Variants in KCNT2 observed in about 807,000 individuals in gnomAD.
KCNT2 encodes potassium channel subfamily T member 2.
Under a neutral mutation model 153.8 loss-of-function variants are expected in KCNT2, and 67 were observed. That is an observed-to-expected ratio of 0.44 (90% CI 0.36 to 0.53). The LOEUF (loss-of-function observed/expected upper bound fraction) is 0.53, where lower values mean the gene tolerates loss of function less well. KCNT2 is among the 20% of genes least tolerant of loss of function. The pLI, the probability that KCNT2 is intolerant of heterozygous loss-of-function variation, is 0.00. For missense variants in KCNT2, 975 were observed against 1,354.8 expected (o/e 0.72, Z 4.40); for synonymous variants, 500 against 458.8 (o/e 1.09, Z -1.15).
chr1:196,263,841 T>C (rs2147800162), intron 25 of KCNT2, among the ~76,000 whole-genome samples: 1 of 152,340 alleles, frequency 6.6e-6, no homozygotes, highest in East Asian at 1.9e-4. Flanking sequence ...GTCACTGTTA[T>C]ATTTCTGGTT....
intron 22 of KCNT2, among the ~76,000 whole-genome samples, chr1:196,304,873 A>G (rs976500213): frequency 2.6e-5 from 4 of 152,144 alleles, no homozygotes; most frequent in African/African-American, 9.6e-5. Flanking sequence ...CTAGGTAAGC[A>G]ATAAACTTAG....
At chr1:196,348,073 T>A (rs1240147440) in intron 14 of KCNT2, among the ~76,000 whole-genome samples, 3 of 152,134 alleles carry the variant, frequency 2.0e-5, no homozygotes, top group Non-Finnish European at 2.9e-5. Context: ...GAACAAAGAA[T>A]AATCTAACAA....
At chr1:196,281,763 T>G (rs1279630632) in intron 24 of KCNT2, among the ~76,000 whole-genome samples, 1 of 151,406 alleles carries the variant, frequency 6.6e-6, no homozygotes, top group Non-Finnish European at 1.5e-5. Flanking sequence ...ATTCAACATT[T>G]TTTTTTTTTT....
intron 1 of KCNT2, among the ~76,000 whole-genome samples, chr1:196,525,632 A>T (rs1420688953): frequency 6.6e-6 from 1 of 152,170 alleles, no homozygotes; most frequent in East Asian, 1.9e-4. Context: ...AAAAGATGGG[A>T]AGGTAGCTAA....
chr1:196,577,810 T>TA (rs1661546185), intron 1 of KCNT2, among the ~76,000 whole-genome samples: 1 of 152,068 alleles, frequency 6.6e-6, no homozygotes, highest in African/African-American at 2.4e-5. Context: ...CCAAATATTC[T>TA]AAAACAAAGC....
chr1:196,351,716 C>T (rs1666719379), intron 14 of KCNT2, among the ~76,000 whole-genome samples: 1 of 152,036 alleles, frequency 6.6e-6, no homozygotes, highest in Admixed American at 6.6e-5. Flanking sequence ...TGCCTAATTG[C>T]CCTGGCCAGA....
chr1:196,596,051 GATGTGTATATATATATATATAT>G lies in KCNT2; in HGVS notation c.95+12142_95+12163del, dbSNP rs1164495800. ...TTGTTATGGCTGAGTTGTATTCCAT[GATGTGTATATATATATATATAT>G]ATATATATATATATATATATATATA... On this transcript the variant is annotated intron_variant, in intron 1 of 27. Transcript: ENST00000294725. Among the ~76,000 whole-genome samples the G allele has an allele frequency of 9.7e-4, 85 of 87,232 alleles. 1 individual carries two copies. Among genetic ancestry groups the G allele is most frequent in the African/African-American group, 5.1e-3 (81 of 15,820 alleles). The allele number at this position is 87,232 out of a possible 152,430, so 57.2% of individuals were successfully genotyped here. A position where few individuals can be genotyped will look rare whatever the true frequency, so the allele number is the denominator to read the frequency against.
chr1:196,279,698 G>A (rs983247967), intron 25 of KCNT2, among the ~76,000 whole-genome samples: 1 of 151,458 alleles, frequency 6.6e-6, no homozygotes, highest in Non-Finnish European at 1.5e-5. Flanking sequence ...AAAGTGCTGG[G>A]ATTACAGGTG....
chr1:196,502,598 T>C (rs1041197740), intron 1 of KCNT2, among the ~76,000 whole-genome samples: 3 of 152,222 alleles, frequency 2.0e-5, no homozygotes, highest in Non-Finnish European at 2.9e-5. Context: ...AATAACTGCA[T>C]TGACTCTCCT....
chr1:196,359,956 T>A (rs1282131620), intron 14 of KCNT2, among the ~76,000 whole-genome samples: 1 of 152,018 alleles, frequency 6.6e-6, no homozygotes, highest in African/African-American at 2.4e-5. Flanking sequence ...TAAATCTAAT[T>A]TAATAATGAA....
At chr1:196,538,720 C>T (rs968569717) in intron 1 of KCNT2, among the ~76,000 whole-genome samples, 5 of 152,174 alleles carry the variant, frequency 3.3e-5, no homozygotes, top group African/African-American at 1.2e-4. Context: ...AAAGCCACTT[C>T]AGCCTACTCC....
intron 25 of KCNT2, among the ~76,000 whole-genome samples, chr1:196,267,648 T>C (rs528694717): frequency 7.2e-5 from 11 of 152,238 alleles, no homozygotes; most frequent in African/African-American, 2.2e-4. Context: ...GCAAAAACTA[T>C]CCTCCTTGGT....
At chr1:196,312,309 G>A (rs1419472088) in intron 21 of KCNT2, among the ~76,000 whole-genome samples, 2 of 151,594 alleles carry the variant, frequency 1.3e-5, no homozygotes, top group Non-Finnish European at 3.0e-5. Context: ...ATTCCTCCAG[G>A]GAATTTGGAA....
At chr1:196,388,181 T>G (rs1670161015) in intron 13 of KCNT2, among the ~76,000 whole-genome samples, 1 of 151,780 alleles carries the variant, frequency 6.6e-6, no homozygotes, top group South Asian at 2.1e-4. Context: ...TTATTGCCTC[T>G]CCAAGGTAAT....
chr1:196,254,824 T>C (rs1388003152), intron 26 of KCNT2, among the ~76,000 whole-genome samples: 1 of 151,644 alleles, frequency 6.6e-6, no homozygotes, highest in Non-Finnish European at 1.5e-5. Flanking sequence ...CTATTCATTA[T>C]TTTAGGCAAA....
intron 13 of KCNT2, among the ~76,000 whole-genome samples, chr1:196,380,279 T>C (rs1285203716): frequency 6.6e-6 from 1 of 152,134 alleles, no homozygotes; most frequent in East Asian, 1.9e-4. Flanking sequence ...TCTTCTTTGT[T>C]ATTCTAATGT....
chr1:196,419,325 C>A (rs1673005050), intron 12 of KCNT2, among the ~76,000 whole-genome samples: 1 of 92,186 alleles, frequency 1.1e-5, no homozygotes, highest in African/African-American at 4.3e-5. Flanking sequence ...ATCCCTCCCC[C>A]CTCCCCCCTC....
chr1:196,426,956 A>C (rs10801534), intron 10 of KCNT2, among the ~76,000 whole-genome samples: 93,889 of 151,600 alleles, frequency 0.62, 29,791 homozygotes, highest in Middle Eastern at 0.76. Flanking sequence ...GCCTCCCCAG[A>C]CATGTTTCCA....
intron 26 of KCNT2, among the ~76,000 whole-genome samples, chr1:196,244,934 A>G (rs553202110): frequency 6.4e-4 from 98 of 152,112 alleles, no homozygotes; most frequent in Non-Finnish European, 1.3e-3. Context: ...GACCCATTGC[A>G]GTCCCAGTAG....
Sources: allele counts gnomAD v4.1 joint callset (sites outside exome capture counted in the v4.1 genomes callset), GRCh38; gene constraint gnomAD v4.1.1; transcripts MANE v1.5; gene names NCBI Gene and HGNC (gene_info 2026-07-23, HGNC 2026-07-21).